Variants in SLC8A1 observed in about 807,000 individuals in gnomAD.
SLC8A1 encodes sodium/calcium exchanger 1.
Under a neutral mutation model 68.3 loss-of-function variants are expected in SLC8A1, and 18 were observed. The ratio of observed to expected loss-of-function variants is 0.26; its 90% CI spans 0.18 to 0.39. The LOEUF (loss-of-function observed/expected upper bound fraction) is 0.39, where lower values mean the gene tolerates loss of function less well. Among genes scored for constraint, SLC8A1 ranks in the 10% least tolerant of loss-of-function variants. The pLI, the probability that SLC8A1 is intolerant of heterozygous loss-of-function variation, is 1.00. For missense variants in SLC8A1, 985 were observed against 1,156.7 expected (o/e 0.85, Z 2.15); for synonymous variants, 475 against 415.5 (o/e 1.14, Z -1.74).
exon 8 of SLC8A1, chr2:40,107,603 C>A (rs1164229074): frequency 3.3e-5 from 5 of 152,128 alleles, no homozygotes; most frequent in Non-Finnish European, 7.4e-5. Context: ...TTATTCTAAG[C>A]CCTTTTCAAA....
intron 1 of SLC8A1, among the ~76,000 whole-genome samples, chr2:40,482,854 G>A (rs1203370189): frequency 6.8e-6 from 1 of 147,194 alleles, no homozygotes; most frequent in Non-Finnish European, 1.5e-5. Flanking sequence ...GCAGTGGCGC[G>A]ATCTCGGCTC....
chr2:40,297,957 G>A (rs2070737784), intron 2 of SLC8A1, among the ~76,000 whole-genome samples: 2 of 152,106 alleles, frequency 1.3e-5, no homozygotes, highest in African/African-American at 4.8e-5. Flanking sequence ...TCGGCTCACT[G>A]CAACCTCCAT....
intron 2 of SLC8A1, among the ~76,000 whole-genome samples, chr2:40,351,665 T>C (rs780443560): frequency 1.3e-5 from 2 of 152,168 alleles, no homozygotes; most frequent in Non-Finnish European, 2.9e-5. Flanking sequence ...AAACAACTTT[T>C]GGCATGCACT....
intron 2 of SLC8A1, chr2:40,220,525 G>C (rs1433783635): frequency 2.6e-5 from 4 of 152,194 alleles, no homozygotes; most frequent in Non-Finnish European, 5.9e-5. Flanking sequence ...CTGGAGACTA[G>C]TTGAATTTTG....
intron 2 of SLC8A1, among the ~76,000 whole-genome samples, chr2:40,384,692 T>A (rs1286078579): frequency 2.6e-5 from 4 of 152,140 alleles, no homozygotes; most frequent in Admixed American, 6.5e-5. Context: ...AGGGAGGTTT[T>A]GTTAAAAAAT....
At chr2:40,443,162 T>C (rs1700820488) in intron 1 of SLC8A1, among the ~76,000 whole-genome samples, 1 of 152,046 alleles carries the variant, frequency 6.6e-6, no homozygotes, top group Non-Finnish European at 1.5e-5. Context: ...CATGCAGAGC[T>C]TAAAACCTAG....
chr2:40,109,296 T>TA (rs2034415058), exon 8 of SLC8A1: 1 of 152,164 alleles, frequency 6.6e-6, no homozygotes, highest in Non-Finnish European at 1.5e-5. Context: ...TTTCTATGTT[T>TA]ACATACTCCA....
intron 2 of SLC8A1, among the ~76,000 whole-genome samples, chr2:40,380,399 A>G (rs1024561123): frequency 1.3e-5 from 2 of 152,172 alleles, no homozygotes; most frequent in Non-Finnish European, 2.9e-5. Flanking sequence ...ATGGATGTAC[A>G]GCCTATTCAA....
chr2:40,185,084 C>T (rs2050460385), intron 2 of SLC8A1, among the ~76,000 whole-genome samples: 1 of 152,010 alleles, frequency 6.6e-6, no homozygotes, highest in Non-Finnish European at 1.5e-5. Flanking sequence ...ACTAGGAAGA[C>T]TACGATAAAA....
Position 40,461,066 on chromosome 2 carries a change from C to A in SLC8A1, c.-24-30762G>T, listed in dbSNP as rs146521041. The stretch of plus-strand genomic sequence containing the variant: ...AGCCATTTTTTTCTTTGGCCCAATT[C>A]TTAGCAGAATCCTATTACCGCTCAG... On this transcript the variant is annotated intron_variant, in intron 1 of 7. Coordinates refer to the SLC8A1 transcript ENST00000402441. 1.5e-3 allele frequency among the ~76,000 whole-genome samples: 227 copies of A among 152,218 alleles called. 1 individual carries two copies. Among genetic ancestry groups the A allele is most frequent in the African/African-American group, 5.1e-3 (213 of 41,530 alleles).
chr2:40,336,938 T>C, intron 2 of SLC8A1, among the ~76,000 whole-genome samples: 1 of 152,104 alleles, frequency 6.6e-6, no homozygotes, highest in African/African-American at 2.4e-5. Flanking sequence ...ATAGAGGTGG[T>C]GAATATAAAA....
At chr2:40,112,082 T>C (rs1433323425) in exon 8 of SLC8A1, 1 of 152,454 alleles carries the variant, frequency 6.6e-6, no homozygotes, top group East Asian at 1.9e-4. Context: ...GGTTGACGTT[T>C]GCAAGAGTTT....
At chr2:40,353,497 C>T (rs933764306) in intron 2 of SLC8A1, among the ~76,000 whole-genome samples, 1 of 152,068 alleles carries the variant, frequency 6.6e-6, no homozygotes, top group African/African-American at 2.4e-5. Flanking sequence ...CCTCCCTCCT[C>T]TCATGCCTCA....
At chr2:40,415,311 C>A (rs541552239) in intron 2 of SLC8A1, among the ~76,000 whole-genome samples, 3 of 151,964 alleles carry the variant, frequency 2.0e-5, no homozygotes, top group East Asian at 3.9e-4. Context: ...TAATTGGTAA[C>A]GGTTTTGACT....
chr2:40,437,940 C>T (rs373795092), intron 1 of SLC8A1, among the ~76,000 whole-genome samples: 1 of 152,054 alleles, frequency 6.6e-6, no homozygotes, highest in East Asian at 1.9e-4. Context: ...AAACCAGGAC[C>T]CTTCCATTAC....
At chr2:40,130,544 G>T (rs1444299340) in intron 7 of SLC8A1, among the ~76,000 whole-genome samples, 3 of 152,236 alleles carry the variant, frequency 2.0e-5, no homozygotes, top group African/African-American at 7.2e-5. Context: ...TTGCCTCTTG[G>T]CCTGACTGCA....
At chr2:40,349,766 G>A (rs941960600) in intron 2 of SLC8A1, among the ~76,000 whole-genome samples, 2 of 151,726 alleles carry the variant, frequency 1.3e-5, no homozygotes, top group Admixed American at 6.6e-5. Flanking sequence ...AACCAATTTA[G>A]AAAAAATATC....
At chr2:40,283,775 C>T (rs917072123) in intron 2 of SLC8A1, among the ~76,000 whole-genome samples, 1 of 152,128 alleles carries the variant, frequency 6.6e-6, no homozygotes, top group South Asian at 2.1e-4. Flanking sequence ...TCCTTGACAG[C>T]GTTCCTAACA....
chr2:40,122,204 G>A (rs867060821), intron 7 of SLC8A1, among the ~76,000 whole-genome samples: 1 of 109,890 alleles, frequency 9.1e-6, no homozygotes, highest in African/African-American at 2.7e-5. Flanking sequence ...GCATGCGCGC[G>A]CGCACACACA....
Sources: allele counts gnomAD v4.1 joint callset (sites outside exome capture counted in the v4.1 genomes callset), GRCh38; gene constraint gnomAD v4.1.1; transcripts MANE v1.5; gene names NCBI Gene and HGNC (gene_info 2026-07-23, HGNC 2026-07-21).